GRHL2: variants seen among roughly 807,000 people sequenced by gnomAD.
GRHL2 encodes grainyhead-like protein 2 homolog.
A neutral mutation model predicts 83.8 loss-of-function variants in GRHL2; 21 were observed. That is an observed-to-expected ratio of 0.25 (90% CI 0.18 to 0.36). The LOEUF (loss-of-function observed/expected upper bound fraction) is 0.36, where lower values mean the gene tolerates loss of function less well. Ranked by LOEUF, GRHL2 falls within the 10% of genes least tolerant of loss-of-function variation. The probability of loss-of-function intolerance (pLI) is 1.00; values close to 1 mark genes in which losing one functional copy is unlikely to be tolerated. For synonymous variants in GRHL2, 280 were observed against 278.9 expected, an observed-to-expected ratio of 1.00 and a Z score of -0.04; for missense variants, 623 against 781.8, an observed-to-expected ratio of 0.80 and a Z score of 2.42.
intron 1 of GRHL2, among the ~76,000 whole-genome samples, chr8:101,514,825 T>G (rs543606304): frequency 1.1e-4 from 17 of 152,258 alleles, no homozygotes; most frequent in African/African-American, 2.6e-4. Context: ...GTCTCAACCT[T>G]TAAGTTCCAC....
intron 1 of GRHL2, among the ~76,000 whole-genome samples, chr8:101,496,388 G>T: frequency 6.6e-6 from 1 of 151,860 alleles, no homozygotes; most frequent in Non-Finnish European, 1.5e-5. Context: ...GTTTACATTT[G>T]GCTATGCAAA....
chr8:101,652,534 T>TG (rs1774236716), intron 14 of GRHL2, among the ~76,000 whole-genome samples: 1 of 78,154 alleles, frequency 1.3e-5, no homozygotes, highest in Non-Finnish European at 2.3e-5. Flanking sequence ...GTGTGTGTGG[T>TG]GTGTGTGTGT....
At chr8:101,671,987 G>T (rs1814218767), downstream of GRHL2, among the ~76,000 whole-genome samples, 1 of 152,192 alleles carries the variant, frequency 6.6e-6, no homozygotes, top group South Asian at 2.1e-4. Context: ...ACCTGCAGCT[G>T]AGGGTCCTAT....
At chr8:101,664,328 G>C (rs974361909) in intron 14 of GRHL2, 126 bp from the exon 15 acceptor site, 1 of 683,352 alleles carries the variant, frequency 1.5e-6, no homozygotes, top group Admixed American at 2.2e-5. Flanking sequence ...TTGAGAGTTC[G>C]ACTCATGAGT....
intron 1 of GRHL2, among the ~76,000 whole-genome samples, chr8:101,503,780 A>T (rs1387813535): frequency 1.3e-5 from 2 of 152,230 alleles, no homozygotes; most frequent in Non-Finnish European, 2.9e-5. Flanking sequence ...CCTTAATGAT[A>T]AGAGAAAGTG....
chr8:101,539,025 T>C (rs1415461028), intron 1 of GRHL2, among the ~76,000 whole-genome samples: 1 of 152,198 alleles, frequency 6.6e-6, no homozygotes, highest in Non-Finnish European at 1.5e-5. Context: ...CAAAGCTTTG[T>C]GCTAGGAAAG....
chr8:101,593,905 A>C (rs1394195595), intron 7 of GRHL2, among the ~76,000 whole-genome samples: 1 of 151,804 alleles, frequency 6.6e-6, no homozygotes, highest in East Asian at 1.9e-4. Flanking sequence ...ATGTCTACTA[A>C]AAATATCAAA....
intron 7 of GRHL2, among the ~76,000 whole-genome samples, chr8:101,587,818 A>C (rs1812198901): frequency 6.6e-6 from 1 of 152,212 alleles, no homozygotes; most frequent in South Asian, 2.1e-4. Flanking sequence ...GAGCCGGTCT[A>C]TTCAGCCACC....
At chr8:101,551,174 G>A (rs78620329) in intron 2 of GRHL2, among the ~76,000 whole-genome samples, 3,131 of 152,208 alleles carry the variant, frequency 0.021, 106 homozygotes, top group African/African-American at 0.071. Flanking sequence ...GCCTGGTATA[G>A]TATACACTCT....
rs1282681050 is a variant in GRHL2, at chr8:101,669,320, G to C, written c.*2617G>C. 1 of 120,734 alleles carries C rather than the reference G, an allele frequency of 8.3e-6. No individual in the cohort carries two copies. The allele number at this position is 120,734 out of a possible 1,614,324, so 7.5% of individuals were successfully genotyped here. Reference sequence around the variant, plus strand: ...CTTTTTCCTCATACATCTCCAAATTGTTTAAACTTACTTTATGAGTGTTTG... The same window carrying C: ...CTTTTTCCTCATACATCTCCAAATTCTTTAAACTTACTTTATGAGTGTTTG... On this transcript the variant is annotated 3_prime_UTR_variant, in exon 16 of 16. Transcript: ENST00000646743.
intron 14 of GRHL2, among the ~76,000 whole-genome samples, chr8:101,661,931 G>A (rs903817087): frequency 6.6e-6 from 1 of 152,186 alleles, no homozygotes; most frequent in Non-Finnish European, 1.5e-5. Flanking sequence ...ATGTTTTCAA[G>A]TCTTTCTTCT....
At chr8:101,500,475 G>T (rs535541228) in intron 1 of GRHL2, among the ~76,000 whole-genome samples, 1 of 152,236 alleles carries the variant, frequency 6.6e-6, no homozygotes, top group African/African-American at 2.4e-5. Context: ...ATGGTAAATG[G>T]TAAACTGTAT....
chr8:101,638,164 C>T (rs904499315), intron 12 of GRHL2, among the ~76,000 whole-genome samples: 11 of 152,118 alleles, frequency 7.2e-5, no homozygotes, highest in Admixed American at 5.2e-4. Context: ...TTTCTTCAAA[C>T]TACAGTCAAA....
chr8:101,501,584 A>T (rs1810229892), intron 1 of GRHL2, among the ~76,000 whole-genome samples: 1 of 152,148 alleles, frequency 6.6e-6, no homozygotes, highest in Non-Finnish European at 1.5e-5. Context: ...GTGGAGTGTG[A>T]GCGGCCAGCA....
At chr8:101,586,104 G>C (rs369626720) in intron 7 of GRHL2, among the ~76,000 whole-genome samples, 1 of 86,726 alleles carries the variant, frequency 1.2e-5, no homozygotes, top group African/African-American at 4.4e-5. Context: ...ACGGAGTCTC[G>C]CTCTGTCGCC....
At chr8:101,680,623 A>AT in the GRHL2 span, among the ~76,000 whole-genome samples, 1 of 123,222 alleles carries the variant, frequency 8.1e-6, no homozygotes, top group Non-Finnish European at 1.7e-5. Context: ...CAGAATATAC[A>AT]TTTTTTTCAG....
At chr8:101,671,420 A>G (rs1814206551), downstream of GRHL2, among the ~76,000 whole-genome samples, 1 of 152,128 alleles carries the variant, frequency 6.6e-6, no homozygotes, top group Non-Finnish European at 1.5e-5. Context: ...TTGCTAGCAC[A>G]GCAGTCTGAG....
At chr8:101,534,427 G>A (rs1295514786) in intron 1 of GRHL2, among the ~76,000 whole-genome samples, 2 of 152,186 alleles carry the variant, frequency 1.3e-5, no homozygotes, top group Non-Finnish European at 2.9e-5. Flanking sequence ...CAAGGGGATG[G>A]GGTGGGAGTA....
intron 10 of GRHL2, 28 bp from the exon 11 acceptor site, chr8:101,632,198 A>G (rs2130399307): frequency 6.2e-7 from 1 of 1,613,644 alleles, no homozygotes; most frequent in South Asian, 1.1e-5. Context: ...TGACTCTCTC[A>G]TTTATGAGTT....
Sources: gnomAD v4.1 joint callset for allele counts (sites outside exome capture counted in the v4.1 genomes callset) on GRCh38, gnomAD v4.1.1 for gene constraint, MANE v1.5 for transcripts, NCBI Gene and HGNC (gene_info 2026-07-23, HGNC 2026-07-21) for gene names.